Variants in TFDP1 observed in about 807,000 individuals in gnomAD.
The protein encoded by TFDP1 is transcription factor Dp-1.
In TFDP1, 6 loss-of-function variants were observed where a neutral mutation model predicts 48.0. The observed-to-expected ratio is 0.13, with a 90% CI of 0.07 to 0.25. The LOEUF (loss-of-function observed/expected upper bound fraction) is 0.25, where lower values mean the gene tolerates loss of function less well. Among genes scored for constraint, TFDP1 ranks in the 10% least tolerant of loss-of-function variants. TFDP1 has a pLI of 1.00. For missense variants in TFDP1, 335 were observed against 543.0 expected, an observed-to-expected ratio of 0.62 and a Z score of 3.81; for synonymous variants, 201 against 211.6, an observed-to-expected ratio of 0.95 and a Z score of 0.44.
At chr13:113,614,499 T>G (rs1230849697) in intron 3 of TFDP1, among the ~76,000 whole-genome samples, 3 of 152,164 alleles carry the variant, frequency 2.0e-5, no homozygotes, top group Non-Finnish European at 2.9e-5. Flanking sequence ...GGTAGCACTT[T>G]GAGGGCTGTA....
intron 2 of TFDP1, among the ~76,000 whole-genome samples, chr13:113,589,943 A>G (rs928199233): frequency 4.6e-5 from 7 of 152,164 alleles, no homozygotes; most frequent in African/African-American, 1.7e-4. Context: ...ACGATTGTCC[A>G]GTGTCATGAA....
At chr13:113,637,398 G>C (rs2140650397) in intron 10 of TFDP1, among the ~76,000 whole-genome samples, 1 of 152,382 alleles carries the variant, frequency 6.6e-6, no homozygotes, top group African/African-American at 2.4e-5. Context: ...GTTGTCAGGT[G>C]ACAGTGGGCT....
intron 3 of TFDP1, among the ~76,000 whole-genome samples, chr13:113,611,652 G>A (rs533452371): frequency 6.6e-6 from 1 of 152,368 alleles, no homozygotes; most frequent in African/African-American, 2.4e-5. Flanking sequence ...GTTTACGTTC[G>A]TGAAGGTGTG....
At chr13:113,631,338 T>C (rs538520554) in intron 4 of TFDP1, among the ~76,000 whole-genome samples, 2 of 152,234 alleles carry the variant, frequency 1.3e-5, no homozygotes, top group Non-Finnish European at 2.9e-5. Context: ...TGCCCTGTCC[T>C]GTTCTTGCTT....
chr13:113,598,601 C>T lies in TFDP1; in HGVS notation c.13-12395C>T, dbSNP rs2035794285. On this transcript the variant is annotated intron_variant, in intron 2 of 11. Transcript: ENST00000375370. This position sits in a 1 kb window ranked among gnomAD's most constrained non-coding sequence, Gnocchi z 4.2. The stretch of plus-strand genomic sequence containing the variant: ...CTCCCATTGTGTATGAACTTACCTC[C>T]TCGCTCTTCAGCTTCCCCTGCCTGA... 6.6e-6 allele frequency among the ~76,000 whole-genome samples: 1 copy of T among 152,214 alleles called. No homozygotes were observed. Among genetic ancestry groups the T allele is most frequent in the African/African-American group, 2.4e-5 (1 of 41,454 alleles).
chr13:113,598,661 G>A lies in TFDP1; in HGVS notation c.13-12335G>A, dbSNP rs926083143. Among the ~76,000 whole-genome samples, 4 of 152,316 alleles carry A rather than the reference G, an allele frequency of 2.6e-5. No homozygotes were observed. Among genetic ancestry groups the A allele is most frequent in the African/African-American group, 4.8e-5 (2 of 41,566 alleles). On this transcript the variant is annotated intron_variant, in intron 2 of 11. Transcript: ENST00000375370. The surrounding 1 kb of genome is among the most constrained non-coding windows in gnomAD (Gnocchi z 4.2). The stretch of plus-strand genomic sequence containing the variant: ...GCTGTCCCCTGAGGACCTGGGGTTC[G>A]TGTTGCCCTCCTGGGTGGAGTCTGC...
intron 3 of TFDP1, among the ~76,000 whole-genome samples, chr13:113,615,993 A>T (rs1268648608): frequency 6.6e-6 from 1 of 152,058 alleles, no homozygotes; most frequent in Non-Finnish European, 1.5e-5. Context: ...ACCTGAGGTC[A>T]GGAGCTCAAG....
chr13:113,640,645 T>C lies in TFDP1; in HGVS notation c.*378T>C, dbSNP rs775058188. 1.5e-5 allele frequency: 4 copies of C among 258,092 alleles called. No homozygotes were observed. The highest frequency in any genetic ancestry group is 2.9e-5 in the Non-Finnish European group (4 of 137,376). 16.0% of individuals were successfully genotyped at this position (258,092 alleles called of 1,614,324 possible). ...CCTCCTGTTGTGGATGGTGAGCCCC[T>C]GATGCCGCTTATTTGCCGTGAGTTT... On this transcript the variant is annotated 3_prime_UTR_variant, in exon 12 of 12. Transcript: ENST00000375370.
At chr13:113,625,310 CCTCACGTG>C (rs2049116985) in intron 4 of TFDP1, among the ~76,000 whole-genome samples, 36 of 87,868 alleles carry the variant, frequency 4.1e-4, no homozygotes, top group African/African-American at 1.4e-3. Flanking sequence ...TCTCACGTGT[CCTCACGTG>C]TTTCTCAGGC....
At chr13:113,594,494 A>ACAGCCCTGTCCAGGTGACAGGTG (rs1566636581) in intron 2 of TFDP1, among the ~76,000 whole-genome samples, 1 of 61,192 alleles carries the variant, frequency 1.6e-5, no homozygotes, top group African/African-American at 4.1e-5. Context: ...GGTGACAGGT[A>ACAGCCCTGTCCAGGTGACAGGTG]TGGTGTGCGC....
chr13:113,630,660 A>T (rs1404054011), intron 4 of TFDP1, among the ~76,000 whole-genome samples: 1 of 152,206 alleles, frequency 6.6e-6, no homozygotes, highest in Non-Finnish European at 1.5e-5. Context: ...TTTACTGAGA[A>T]ATAGTGTTTC....
At chr13:113,585,642 C>T (rs897045130) in intron 1 of TFDP1, 132 bp from the exon 2 acceptor site, 1 of 547,002 alleles carries the variant, frequency 1.8e-6, no homozygotes, top group South Asian at 2.5e-5. Context: ...TTGGCCAGCT[C>T]CGCTCTCAGG....
intron 2 of TFDP1, among the ~76,000 whole-genome samples, chr13:113,610,210 G>A (rs1044412615): frequency 3.3e-5 from 5 of 151,830 alleles, no homozygotes; most frequent in Admixed American, 1.3e-4. Context: ...ACCGTTATGC[G>A]TGTGTGTCCT....
At chr13:113,588,863 G>C (rs532515438) in intron 2 of TFDP1, among the ~76,000 whole-genome samples, 14 of 151,856 alleles carry the variant, frequency 9.2e-5, no homozygotes, top group African/African-American at 3.1e-4. Flanking sequence ...CTGGGGGAGA[G>C]AGAGTGGTGA....
At chr13:113,587,092 C>T (rs1420634863) in intron 2 of TFDP1, among the ~76,000 whole-genome samples, 1 of 152,162 alleles carries the variant, frequency 6.6e-6, no homozygotes, top group South Asian at 2.1e-4. Flanking sequence ...GGTTCTCAAA[C>T]ACGCTTTGAT....
At chr13:113,614,590 A>C (rs550126944) in intron 3 of TFDP1, among the ~76,000 whole-genome samples, 1 of 152,338 alleles carries the variant, frequency 6.6e-6, no homozygotes, top group African/African-American at 2.4e-5. Context: ...AGAGGGGACC[A>C]GCCCAGCCGA....
Position 113,585,660 on chromosome 13 carries a change from G to T in TFDP1, c.-64-114G>T, listed in dbSNP as rs2047984525. 1.2e-5 allele frequency: 7 copies of T among 597,480 alleles called. No homozygotes were observed. In the Admixed American group the frequency reaches 1.8e-4, roughly 15 times the overall value. 37.0% of individuals were successfully genotyped at this position (597,480 alleles called of 1,614,324 possible). ...GCCAGCTCCGCTCTCAGGATGGAGGGTGCCTTTGGGAAGGAAGGTCCGCGT... is the reference window on the plus strand; with the variant it reads ...GCCAGCTCCGCTCTCAGGATGGAGGTTGCCTTTGGGAAGGAAGGTCCGCGT... On this transcript the variant is annotated intron_variant, in intron 1 of 11. Coordinates refer to ENST00000375370, the MANE Select transcript of TFDP1 (RefSeq NM_007111.5).
At chr13:113,635,123 A>G (rs2049450003) in intron 8 of TFDP1, among the ~76,000 whole-genome samples, 1 of 152,226 alleles carries the variant, frequency 6.6e-6, no homozygotes, top group South Asian at 2.1e-4. Context: ...AGTGCTGATC[A>G]GGGCCCTGGA....
chr13:113,609,848 C>T (rs1247355806), intron 2 of TFDP1, among the ~76,000 whole-genome samples: 4 of 152,188 alleles, frequency 2.6e-5, no homozygotes, highest in Non-Finnish European at 5.9e-5. Flanking sequence ...ACCCTGGGTA[C>T]TCAAGCATGC....
Sources: allele counts gnomAD v4.1 joint callset (sites outside exome capture counted in the v4.1 genomes callset), GRCh38; gene constraint gnomAD v4.1.1; non-coding constraint Gnocchi (gnomAD v3.1); transcripts MANE v1.5; gene names NCBI Gene and HGNC (gene_info 2026-07-23, HGNC 2026-07-21).